PRAG1: variants seen among roughly 807,000 people sequenced by gnomAD.
The protein encoded by PRAG1 is PEAK1 related, kinase-activating pseudokinase 1, also known as inactive tyrosine-protein kinase PRAG1.
A neutral mutation model predicts 95.6 loss-of-function variants in PRAG1; 110 were observed. That is an observed-to-expected ratio of 1.15 (90% CI 0.99 to 1.35). The LOEUF is 1.35. Among genes scored for constraint, PRAG1 ranks in the 40% most tolerant of loss-of-function variants. The pLI, the probability that PRAG1 is intolerant of heterozygous loss-of-function variation, is 0.00. For synonymous variants in PRAG1, 1,052 were observed against 819.4 expected, an observed-to-expected ratio of 1.28 and a Z score of -4.85; for missense variants, 2,554 against 1,864.7, an observed-to-expected ratio of 1.37 and a Z score of -6.81.
intron 2 of PRAG1, among the ~76,000 whole-genome samples, chr8:8,380,767 C>T (rs1176753885): frequency 1.4e-5 from 2 of 147,670 alleles, no homozygotes; most frequent in Non-Finnish European, 3.0e-5. Flanking sequence ...GCAGGAGAAT[C>T]GCTTGAACCA....
intron 3 of PRAG1, among the ~76,000 whole-genome samples, chr8:8,375,080 A>T (rs1800335925): frequency 3.2e-5 from 2 of 62,748 alleles, no homozygotes; most frequent in African/African-American, 1.2e-4. Flanking sequence ...TCAATAACTA[A>T]AAAAAAAAAA....
chr8:8,345,057 G>GTGTGTGTGTT (rs1554505983), intron 3 of PRAG1, among the ~76,000 whole-genome samples: 19 of 147,914 alleles, frequency 1.3e-4, no homozygotes, highest in African/African-American at 4.3e-4. Context: ...GTGTGTGTGT[G>GTGTGTGTGTT]TGTGTGTGTG....
intron 3 of PRAG1, among the ~76,000 whole-genome samples, chr8:8,365,560 G>T (rs1053715994): frequency 4.6e-5 from 7 of 151,780 alleles, no homozygotes; most frequent in Non-Finnish European, 7.4e-5. Context: ...GGAGTTGGAG[G>T]TTGTGGTGAG....
At chr8:8,330,166 G>C (rs1329801831) in intron 4 of PRAG1, among the ~76,000 whole-genome samples, 1 of 152,142 alleles carries the variant, frequency 6.6e-6, no homozygotes, top group Non-Finnish European at 1.5e-5. Flanking sequence ...AGGAGTTCAA[G>C]ACCAGCCTGG....
chr8:8,340,096 T>C (rs1383102187), intron 3 of PRAG1, among the ~76,000 whole-genome samples: 1 of 152,230 alleles, frequency 6.6e-6, no homozygotes, highest in Admixed American at 6.5e-5. Context: ...ATTTCTTTTT[T>C]TACCTGGTAC....
chr8:8,372,244 T>G (rs1233553081), intron 3 of PRAG1, among the ~76,000 whole-genome samples: 1 of 152,228 alleles, frequency 6.6e-6, no homozygotes, highest in Non-Finnish European at 1.5e-5. Context: ...GGTCTTGAAC[T>G]CCTTACCCCA....
rs1798343534 is a variant in PRAG1 at position 8,318,307 on chromosome 8, G to A, written c.4068C>T (p.Asp1356=). ...TCATCATCATCAGGGCCCGCTTCAT[G>A]TCGATCCAGTTGTGCAGCGTGCCGC... ...ALCGTLHNWI[D]MKRALMMMKF... is the part of the protein sequence containing the mutation. The change falls in exon 6 of 6, where the codon GAC becomes GAT. Residue 1356 remains aspartate (D), a synonymous_variant. Transcript: ENST00000615670. This position sits in a 1 kb window ranked among gnomAD's most constrained non-coding sequence, Gnocchi z 4.2. 1 of 1,614,178 alleles carries A rather than the reference G, an allele frequency of 6.2e-7. No homozygotes were observed. The highest frequency in any genetic ancestry group is 8.5e-7 in the Non-Finnish European group (1 of 1,179,996).
chr8:8,383,760 C>T (rs1271067088), intron 1 of PRAG1, among the ~76,000 whole-genome samples: 3 of 152,116 alleles, frequency 2.0e-5, no homozygotes, highest in African/African-American at 7.2e-5. Context: ...TAGCAGGTTC[C>T]TTCTTTGCCA....
intron 5 of PRAG1, among the ~76,000 whole-genome samples, chr8:8,322,024 G>C (rs749901690): frequency 1.3e-5 from 2 of 152,120 alleles, no homozygotes; most frequent in African/African-American, 2.4e-5. Context: ...AGGAACTCAC[G>C]GGCAACAGCA....
intron 5 of PRAG1, among the ~76,000 whole-genome samples, chr8:8,325,848 G>A (rs1336901076): frequency 1.3e-5 from 2 of 150,490 alleles, no homozygotes; most frequent in Non-Finnish European, 3.0e-5. Context: ...AGGAGATGGA[G>A]GTTGCAGTCA....
chr8:8,360,966 G>A (rs935990728), intron 3 of PRAG1, among the ~76,000 whole-genome samples: 5 of 152,144 alleles, frequency 3.3e-5, no homozygotes, highest in Admixed American at 6.5e-5. Flanking sequence ...TTGCCATAGC[G>A]GCTCTGTGGA....
chr8:8,318,534 C>T lies in PRAG1; in HGVS notation c.3841G>A (p.Asp1281Asn). The T allele has an allele frequency of 6.2e-7, 1 of 1,613,330 alleles. No homozygotes were observed. The highest frequency in any genetic ancestry group is 1.3e-5 in the African/African-American group (1 of 75,028). Residue 1281 changes from aspartate to asparagine, a missense_variant, in exon 6 of 6, where the codon GAC becomes AAC. Physicochemically the swap from Asp to Asn is conservative, Grantham distance 23. Transcript: ENST00000615670. The surrounding 1 kb of genome is among the most constrained non-coding windows in gnomAD (Gnocchi z 4.2). ...FEVRAQLRER[D>N]YRQEDLPPLP... Reference sequence around the variant, plus strand: ...GGCGGCAGGTCCTCCTGCCGGTAGTCTCTCTCCCGCAGCTGGGCGCGCACC... The same window carrying T: ...GGCGGCAGGTCCTCCTGCCGGTAGTTTCTCTCCCGCAGCTGGGCGCGCACC...
intron 3 of PRAG1, among the ~76,000 whole-genome samples, chr8:8,349,779 T>C (rs1210315568): frequency 6.6e-6 from 1 of 152,212 alleles, no homozygotes; most frequent in East Asian, 1.9e-4. Context: ...GTGGTCCCCA[T>C]GGTGCAGGCC....
chr8:8,378,964 T>C (rs926303627), intron 2 of PRAG1, among the ~76,000 whole-genome samples: 1 of 151,710 alleles, frequency 6.6e-6, no homozygotes, highest in Non-Finnish European at 1.5e-5. Context: ...CTGAACCGGA[T>C]CAGGGTGAGG....
At chr8:8,343,576 T>C (rs111919733) in intron 3 of PRAG1, among the ~76,000 whole-genome samples, 3,071 of 152,328 alleles carry the variant, frequency 0.02, 107 homozygotes, top group African/African-American at 0.07. Context: ...TGTTGGGTCA[T>C]GATATTAATG....
rs745567283 is a variant in PRAG1 at position 8,376,417 on chromosome 8, G to A, written c.1992C>T (p.Asp664=). Residue 664 remains aspartate (D), a synonymous_variant, in exon 3 of 6, where the codon GAC becomes GAT. Coordinates refer to ENST00000615670, the MANE Select transcript of PRAG1 (RefSeq NM_001080826.3). Reference sequence around the variant, plus strand: ...GGTGCCAGGTCGTGGAGTTTGAATGGTCCGTGGGGCCATTTTTGGTCTCTC... The same window carrying A: ...GGTGCCAGGTCGTGGAGTTTGAATGATCCGTGGGGCCATTTTTGGTCTCTC... ...WGRETKNGPT[D]HSNSTTWHRL... is the part of the protein sequence containing the mutation. 6.2e-7 allele frequency: 1 copy of A among 1,614,188 alleles called. No individual in the cohort carries two copies.
chr8:8,328,239 T>G lies in PRAG1; in HGVS notation c.2543A>C (p.Asn848Thr). The G allele has an allele frequency of 6.2e-7, 1 of 1,614,134 alleles. No individual in the cohort carries two copies. Among genetic ancestry groups the G allele is most frequent in the Non-Finnish European group, 8.5e-7 (1 of 1,180,020 alleles). Residue 848 changes from asparagine to threonine, a missense_variant, in exon 5 of 6, where the codon AAC becomes ACC. Physicochemically the swap from Asn to Thr is moderately conservative, Grantham distance 65. Transcript: ENST00000615670. ...PKPGTASPKL[N>T]LSHSETNVHD... The stretch of plus-strand genomic sequence containing the variant: ...GACGTTGGTTTCCGAGTGGCTTAGG[T>G]TCAGCTTGGGGCTTGCTGTTCCGGG...
chr8:8,322,849 T>G (rs1914823), intron 5 of PRAG1, among the ~76,000 whole-genome samples: 32 of 152,192 alleles, frequency 2.1e-4, no homozygotes, highest in African/African-American at 7.5e-4. Context: ...TCAACTTCAA[T>G]GTACATCATA....
chr8:8,328,241 C>G lies in PRAG1; in HGVS notation c.2541G>C (p.Leu847=), dbSNP rs775095768. 5 of 1,614,166 alleles carry G rather than the reference C, an allele frequency of 3.1e-6. No homozygotes were observed. The Admixed American group carries it at 8.3e-5, about 27-fold the overall frequency. The change falls in exon 5 of 6, where the codon CTG becomes CTC. Residue 847 remains leucine (L), a synonymous_variant. Transcript: ENST00000615670. ...SPKPGTASPK[L]NLSHSETNVH... Reference sequence around the variant, plus strand: ...CGTTGGTTTCCGAGTGGCTTAGGTTCAGCTTGGGGCTTGCTGTTCCGGGCT... The same window carrying G: ...CGTTGGTTTCCGAGTGGCTTAGGTTGAGCTTGGGGCTTGCTGTTCCGGGCT...
Sources: gnomAD v4.1 joint callset for allele counts (sites outside exome capture counted in the v4.1 genomes callset) on GRCh38, gnomAD v4.1.1 for gene constraint, Gnocchi (gnomAD v3.1) non-coding constraint, MANE v1.5 for transcripts, NCBI Gene and HGNC (gene_info 2026-07-23, HGNC 2026-07-21) for gene names.